The following RSU1 variants were observed in gnomAD, a reference collection of about 807,000 sequenced individuals.
RSU1 encodes Ras suppressor protein 1.
In RSU1, 26 loss-of-function variants were observed where a neutral mutation model predicts 31.1. The observed-to-expected ratio is 0.84, with a 90% confidence interval of 0.61 to 1.16. RSU1 has a LOEUF of 1.16. Ranked by LOEUF, RSU1 falls within the 50% of genes most tolerant of loss-of-function variation. The pLI is 0.00. For synonymous variants in RSU1, 164 were observed against 136.3 expected (o/e 1.20, Z -1.41); for missense variants, 320 against 339.1 (o/e 0.94, Z 0.44).
intron 8 of RSU1, among the ~76,000 whole-genome samples, chr10:16,595,354 C>G (rs1204306010): frequency 6.6e-6 from 1 of 152,230 alleles, no homozygotes; most frequent in Non-Finnish European, 1.5e-5. Context: ...TGTATTCTAA[C>G]TATTCCAGTC....
At chr10:16,801,726 C>A (rs992955049) in intron 2 of RSU1, among the ~76,000 whole-genome samples, 1 of 151,670 alleles carries the variant, frequency 6.6e-6, no homozygotes, top group Non-Finnish European at 1.5e-5. Flanking sequence ...AGAAATCAAA[C>A]GAAAGATAGC....
chr10:16,610,212 C>G (rs183093488), intron 8 of RSU1, among the ~76,000 whole-genome samples: 1,664 of 152,182 alleles, frequency 0.011, 28 homozygotes, highest in African/African-American at 0.037. Flanking sequence ...GCACACTGTC[C>G]GTCAGACAAG....
chr10:16,622,306 G>C (rs1314962230), intron 8 of RSU1, among the ~76,000 whole-genome samples: 1 of 152,160 alleles, frequency 6.6e-6, no homozygotes, highest in Non-Finnish European at 1.5e-5. Context: ...AAAAACAAAA[G>C]CATAGATCCA....
intron 7 of RSU1, among the ~76,000 whole-genome samples, chr10:16,733,104 C>T (rs1484620549): frequency 6.6e-6 from 1 of 152,048 alleles, no homozygotes; most frequent in Non-Finnish European, 1.5e-5. Context: ...CATCAGCCAT[C>T]ATCATTACTA....
intron 3 of RSU1, among the ~76,000 whole-genome samples, chr10:16,776,399 T>C (rs116975220): frequency 0.018 from 2,697 of 152,268 alleles, 33 homozygotes; most frequent in Non-Finnish European, 0.027. Context: ...AAATAAATTA[T>C]TGAAACCACC....
intron 3 of RSU1, among the ~76,000 whole-genome samples, chr10:16,779,201 T>A (rs1837602140): frequency 6.6e-6 from 1 of 152,152 alleles, no homozygotes; most frequent in South Asian, 2.1e-4. Context: ...AGGTTTAAAT[T>A]CAAATAGGGG....
chr10:16,680,203 T>C (rs1588711193), intron 8 of RSU1, among the ~76,000 whole-genome samples: 2 of 152,034 alleles, frequency 1.3e-5, no homozygotes, highest in South Asian at 4.1e-4. Context: ...TTTTAAGAAA[T>C]CTGGTCTCTT....
At chr10:16,783,572 T>G (rs1226827804) in intron 2 of RSU1, among the ~76,000 whole-genome samples, 1 of 152,064 alleles carries the variant, frequency 6.6e-6, no homozygotes, top group Non-Finnish European at 1.5e-5. Context: ...GCCAGGATGG[T>G]ATCCATCTCT....
chr10:16,633,593 C>T (rs989706196), intron 8 of RSU1, among the ~76,000 whole-genome samples: 1 of 152,102 alleles, frequency 6.6e-6, no homozygotes, highest in Non-Finnish European at 1.5e-5. Context: ...GAGTCCTATA[C>T]AGTGACTATG....
intron 2 of RSU1, among the ~76,000 whole-genome samples, chr10:16,798,870 C>G (rs895334883): frequency 6.6e-6 from 1 of 152,124 alleles, no homozygotes; most frequent in Non-Finnish European, 1.5e-5. Flanking sequence ...GACAACACTC[C>G]AGAAAAGAAA....
At chr10:16,786,193 G>A (rs565068927) in intron 2 of RSU1, among the ~76,000 whole-genome samples, 40 of 152,190 alleles carry the variant, frequency 2.6e-4, no homozygotes, top group Non-Finnish European at 4.4e-4. Context: ...ACTCCAAAAG[G>A]TCAAGAGCAT....
intron 8 of RSU1, among the ~76,000 whole-genome samples, chr10:16,658,325 G>A (rs964035828): frequency 6.6e-6 from 1 of 152,156 alleles, no homozygotes; most frequent in East Asian, 1.9e-4. Flanking sequence ...GTATCCATCT[G>A]GGATGCAGTG....
chr10:16,752,497 T>A, intron 7 of RSU1, 42 bp downstream of exon 7: 1 of 1,434,678 alleles, frequency 7.0e-7, no homozygotes, highest in Non-Finnish European at 9.8e-7. Context: ...ATAATTGTTA[T>A]TCATGAAACC....
chr10:16,770,407 C>T (rs936226253), intron 3 of RSU1, among the ~76,000 whole-genome samples: 2 of 152,122 alleles, frequency 1.3e-5, no homozygotes, highest in Non-Finnish European at 2.9e-5. Flanking sequence ...CACACACCCA[C>T]GGCTGCCAGG....
Position 16,700,170 on chromosome 10 carries a change from A to T in RSU1, c.599-5015T>A, listed in dbSNP as rs75975453. Among the ~76,000 whole-genome samples the T allele has an allele frequency of 7.5e-3, 1,148 of 152,312 alleles. 5 individuals carry two copies. The highest frequency in any genetic ancestry group is 0.012 in the Non-Finnish European group (785 of 68,024). ...TGGCTAGCGGCACCATTTATCACAT[A>T]GTAAGCAATCGAGGCGATCTGGGCA... On this transcript the variant is annotated intron_variant, in intron 7 of 8. Transcript: ENST00000345264.
chr10:16,641,352 C>A (rs941041255), intron 8 of RSU1, among the ~76,000 whole-genome samples: 1 of 151,914 alleles, frequency 6.6e-6, no homozygotes, highest in East Asian at 1.9e-4. Flanking sequence ...ATTAACCGGG[C>A]GTGGTGACAG....
intron 8 of RSU1, among the ~76,000 whole-genome samples, chr10:16,644,826 A>C (rs1175157974): frequency 6.6e-6 from 1 of 152,230 alleles, no homozygotes; most frequent in Non-Finnish European, 1.5e-5. Context: ...GACAGGTTAA[A>C]TTACATTTAA....
intron 7 of RSU1, among the ~76,000 whole-genome samples, chr10:16,732,233 T>C (rs1836528022): frequency 6.6e-6 from 1 of 152,212 alleles, no homozygotes; most frequent in African/African-American, 2.4e-5. Context: ...CTGCTTTGCA[T>C]TTTCTCTTAC....
chr10:16,693,344 G>A (rs990193394), intron 8 of RSU1, among the ~76,000 whole-genome samples: 9 of 152,268 alleles, frequency 5.9e-5, no homozygotes, highest in East Asian at 5.8e-4. Context: ...GGAGCATGGC[G>A]CTCAGGCTGC....
Sources: allele counts gnomAD v4.1 joint callset (sites outside exome capture counted in the v4.1 genomes callset), GRCh38; gene constraint gnomAD v4.1.1; transcripts MANE v1.5; gene names NCBI Gene and HGNC (gene_info 2026-07-23, HGNC 2026-07-21).